VPS13D: variants seen among roughly 807,000 people sequenced by gnomAD.
The protein encoded by VPS13D is intermembrane lipid transfer protein VPS13D.
Under a neutral mutation model 461.9 loss-of-function variants are expected in VPS13D, and 187 were observed. That is an observed-to-expected ratio of 0.40 (90% CI 0.36 to 0.46). The LOEUF (loss-of-function observed/expected upper bound fraction) is 0.46, where lower values mean the gene tolerates loss of function less well. Ranked by LOEUF, VPS13D falls within the 20% of genes least tolerant of loss-of-function variation. VPS13D has a pLI of 0.60. For synonymous variants in VPS13D, 1,951 were observed against 1,986.3 expected (o/e 0.98, Z 0.47); for missense variants, 4,711 against 5,364.9 (o/e 0.88, Z 3.81).
intron 66 of VPS13D, 131 bp from the exon 67 acceptor site, chr1:12,460,070 G>A (rs529340943): frequency 1.1e-5 from 8 of 729,972 alleles, no homozygotes; most frequent in East Asian, 3.2e-5. Flanking sequence ...GAGTTGGCCT[G>A]TCTGTGGCCT....
chr1:12,269,649 G>T (rs1000967382), intron 16 of VPS13D, among the ~76,000 whole-genome samples: 2 of 152,092 alleles, frequency 1.3e-5, no homozygotes, highest in African/African-American at 4.8e-5. Flanking sequence ...TTATGCCTCC[G>T]TTTGTTCTCC....
chr1:12,260,536 A>T (rs552143898), intron 10 of VPS13D, among the ~76,000 whole-genome samples, 157 bp from the exon 11 acceptor site: 1 of 152,320 alleles, frequency 6.6e-6, no homozygotes, highest in East Asian at 1.9e-4. Context: ...AACAGCAATC[A>T]TGGAACTATT....
chr1:12,266,553 C>T (rs776634396), intron 13 of VPS13D, among the ~76,000 whole-genome samples: 1 of 152,230 alleles, frequency 6.6e-6, no homozygotes, highest in Non-Finnish European at 1.5e-5. Flanking sequence ...ATTAAGGTAT[C>T]TATATTGTAG....
At chr1:12,316,090 C>A (rs1642879821) in intron 30 of VPS13D, among the ~76,000 whole-genome samples, 1 of 152,178 alleles carries the variant, frequency 6.6e-6, no homozygotes, top group African/African-American at 2.4e-5. Context: ...GCTGGGATTA[C>A]AGGTGTGAGC....
intron 67 of VPS13D, among the ~76,000 whole-genome samples, chr1:12,486,138 T>G (rs1168471395): frequency 1.3e-5 from 2 of 152,174 alleles, no homozygotes; most frequent in East Asian, 1.9e-4. Flanking sequence ...CCAGGCCAGT[T>G]TGACACAAGT....
intron 38 of VPS13D, among the ~76,000 whole-genome samples, chr1:12,333,891 A>G (rs908589513): frequency 4.6e-5 from 7 of 152,240 alleles, no homozygotes; most frequent in African/African-American, 9.6e-5. Flanking sequence ...ATTCAATGTC[A>G]TGAATAAAAA....
chr1:12,268,301 T>C (rs1427674835), intron 15 of VPS13D, among the ~76,000 whole-genome samples: 1 of 151,212 alleles, frequency 6.6e-6, no homozygotes, highest in African/African-American at 2.4e-5. Context: ...TGGGGGACTT[T>C]CCAACAAAAA....
intron 50 of VPS13D, among the ~76,000 whole-genome samples, chr1:12,359,690 A>T (rs1378877462): frequency 6.6e-6 from 1 of 152,190 alleles, no homozygotes; most frequent in African/African-American, 2.4e-5. Context: ...TAATAAAAGA[A>T]TCTTCCAAGT....
At chr1:12,381,784 A>T (rs1000714648) in intron 57 of VPS13D, among the ~76,000 whole-genome samples, 2 of 152,208 alleles carry the variant, frequency 1.3e-5, no homozygotes, top group Non-Finnish European at 2.9e-5. Context: ...ACCACGAGGC[A>T]TCCCTGGAGT....
At chr1:12,413,168 T>C (rs1442079828) in intron 63 of VPS13D, among the ~76,000 whole-genome samples, 1 of 152,050 alleles carries the variant, frequency 6.6e-6, no homozygotes, top group Non-Finnish European at 1.5e-5. Context: ...TCTGGGTGTT[T>C]TTTTGTTTGT....
intron 57 of VPS13D, among the ~76,000 whole-genome samples, chr1:12,381,801 G>C (rs748606541): frequency 4.3e-4 from 65 of 152,208 alleles, no homozygotes; most frequent in Non-Finnish European, 8.1e-4. Context: ...GAGTCTCTCT[G>C]AATCTGCTGT....
rs1467425658 is a variant in VPS13D, at chr1:12,279,849, T to C, written c.4602+199T>C. On this transcript the variant is annotated intron_variant, in intron 20 of 69. Coordinates refer to ENST00000620676, the MANE Select transcript of VPS13D (RefSeq NM_015378.4). This position sits in a 1 kb window ranked among gnomAD's most constrained non-coding sequence, Gnocchi z 4.3. ...TGGGGAATCCGTCTTGTCAGCCTTT[T>C]TCATATGGAGGAGGGGTGGGTTATC... is the stretch of plus-strand genomic sequence containing the variant. Among the ~76,000 whole-genome samples the C allele has an allele frequency of 6.6e-6, 1 of 152,208 alleles. No homozygotes were observed. The highest frequency in any genetic ancestry group is 1.5e-5 in the Non-Finnish European group (1 of 68,032).
At chr1:12,234,507 G>C (rs1305811492) in intron 2 of VPS13D, 144 bp downstream of exon 2, 3 of 532,850 alleles carry the variant, frequency 5.6e-6, no homozygotes, top group Non-Finnish European at 9.8e-6. Context: ...TCATCCTGAT[G>C]ATTTTTCCAG....
chr1:12,235,363 G>A (rs757621340), intron 2 of VPS13D, among the ~76,000 whole-genome samples: 56 of 152,266 alleles, frequency 3.7e-4, no homozygotes, highest in Non-Finnish European at 7.2e-4. Flanking sequence ...CGGATCACGA[G>A]GTCAGGAGTT....
chr1:12,258,997 A>G (rs149055441), intron 10 of VPS13D, among the ~76,000 whole-genome samples: 30 of 152,226 alleles, frequency 2.0e-4, no homozygotes, highest in African/African-American at 6.3e-4. Context: ...TGAGAAGGAT[A>G]AAATAAACCA....
At chr1:12,319,991 C>G (rs1184873760) in intron 32 of VPS13D, among the ~76,000 whole-genome samples, 26 of 152,226 alleles carry the variant, frequency 1.7e-4, no homozygotes, top group Non-Finnish European at 1.5e-5. Flanking sequence ...TCTCATTTCC[C>G]CTGCATCCCT....
intron 67 of VPS13D, among the ~76,000 whole-genome samples, chr1:12,469,841 T>C (rs1021052804): frequency 1.3e-5 from 2 of 152,218 alleles, no homozygotes; most frequent in African/African-American, 4.8e-5. Context: ...GGGTAGTAAG[T>C]GTAGAGCAGA....
chr1:12,415,160 G>T lies in VPS13D; in HGVS notation c.12104G>T (p.Arg4035Leu). Residue 4035 changes from arginine (R) to leucine (L), a missense_variant, in exon 64 of 70, where the codon CGG (arginine) becomes CTG (leucine). Arg to Leu is a moderately radical substitution (Grantham distance 102). Transcript: ENST00000620676. ...GTGATTAATCTAGATCCATTCACTCGGGTACATCCCTATGAGACCAAGGAG... is the reference window on the plus strand; with the variant it reads ...GTGATTAATCTAGATCCATTCACTCTGGTACATCCCTATGAGACCAAGGAG... ...DAVINLDPFTRVHPYETKEFI... is the reference protein window; with the variant it reads ...DAVINLDPFTLVHPYETKEFI... 1 of 1,613,988 alleles carries T rather than the reference G, an allele frequency of 6.2e-7. No individual in the cohort carries two copies. Among genetic ancestry groups the T allele is most frequent in the Non-Finnish European group, 8.5e-7 (1 of 1,179,964 alleles).
rs901476419 is a variant in VPS13D at position 12,463,591 on chromosome 1, A to C, written c.12662+3195A>C. On this transcript the variant is annotated intron_variant, in intron 67 of 69. Transcript: ENST00000620676. ...CACAATGCCCCCATCTCTTACAAAA[A>C]AAAAAACAAACCTGGATATGGTGGC... 3.1e-4 allele frequency among the ~76,000 whole-genome samples: 47 copies of C among 152,210 alleles called. 1 individual carries two copies. The highest frequency in any genetic ancestry group is 1.1e-3 in the African/African-American group (46 of 41,546).
Sources: gnomAD v4.1 joint callset for allele counts (sites outside exome capture counted in the v4.1 genomes callset) on GRCh38, gnomAD v4.1.1 for gene constraint, Gnocchi (gnomAD v3.1) non-coding constraint, MANE v1.5 for transcripts, NCBI Gene and HGNC (gene_info 2026-07-23, HGNC 2026-07-21) for gene names.